The following PABPC4L variants were observed in gnomAD, a reference collection of about 807,000 sequenced individuals.
The protein encoded by PABPC4L is poly(A) binding protein cytoplasmic 4 like.
For missense variants in PABPC4L, 452 were observed against 451.4 expected (o/e 1.00, Z -0.01); for synonymous variants, 169 against 164.1 (o/e 1.03, Z -0.23).
the PABPC4L span, among the ~76,000 whole-genome samples, chr4:134,081,385 G>A: frequency 6.6e-6 from 1 of 152,162 alleles, no homozygotes; most frequent in Non-Finnish European, 1.5e-5. Flanking sequence ...AGAGTGGTCA[G>A]TCCAAAGCAT....
the PABPC4L span, among the ~76,000 whole-genome samples, chr4:134,164,805 C>T: frequency 6.6e-6 from 1 of 151,700 alleles, no homozygotes; most frequent in Non-Finnish European, 1.5e-5. Flanking sequence ...GGAAAGAGCC[C>T]CAATAGCCAA....
At chr4:133,953,963 T>A in the PABPC4L span, among the ~76,000 whole-genome samples, 285 of 152,364 alleles carry the variant, frequency 1.9e-3, 1 homozygote, top group African/African-American at 6.6e-3. Flanking sequence ...CTAACCTCAG[T>A]ACTTGTTAAA....
the PABPC4L span, among the ~76,000 whole-genome samples, chr4:134,013,635 G>A: frequency 5.3e-5 from 8 of 152,084 alleles, no homozygotes; most frequent in East Asian, 1.6e-3. Context: ...TCATAAAATA[G>A]CCAAACGGTC....
the PABPC4L span, among the ~76,000 whole-genome samples, chr4:134,038,098 G>C: frequency 5.9e-5 from 9 of 152,012 alleles, no homozygotes; most frequent in Non-Finnish European, 8.8e-5. Flanking sequence ...TTTTGTCATG[G>C]GTCCTGTTTA....
chr4:134,160,360 C>A, the PABPC4L span, among the ~76,000 whole-genome samples: 51 of 152,024 alleles, frequency 3.4e-4, no homozygotes, highest in Non-Finnish European at 6.2e-4. Flanking sequence ...TCCAGGTAAC[C>A]CCAGGCTATG....
At chr4:134,164,304 G>A in the PABPC4L span, among the ~76,000 whole-genome samples, 1 of 146,586 alleles carries the variant, frequency 6.8e-6, no homozygotes. Flanking sequence ...AGAAGTCCTG[G>A]CTAGAGCAAT....
At chr4:134,167,552 A>C in the PABPC4L span, among the ~76,000 whole-genome samples, 5 of 152,064 alleles carry the variant, frequency 3.3e-5, no homozygotes, top group South Asian at 1.0e-3. Flanking sequence ...CAATTCACTT[A>C]TAAGGACACA....
chr4:133,955,254 C>T, the PABPC4L span, among the ~76,000 whole-genome samples: 2 of 151,594 alleles, frequency 1.3e-5, no homozygotes, highest in Non-Finnish European at 2.9e-5. Flanking sequence ...AAGAAATATT[C>T]AGGAGACTGG....
chr4:134,187,148 A>C, the PABPC4L span, among the ~76,000 whole-genome samples: 1 of 152,116 alleles, frequency 6.6e-6, no homozygotes, highest in Non-Finnish European at 1.5e-5. Flanking sequence ...TTCCTCAAGG[A>C]TCTAGAACTA....
the PABPC4L span, among the ~76,000 whole-genome samples, chr4:134,046,222 G>A: frequency 6.6e-6 from 1 of 152,088 alleles, no homozygotes; most frequent in Non-Finnish European, 1.5e-5. Context: ...CAGGGTGATA[G>A]TTGGGAGAAG....
downstream of PABPC4L, among the ~76,000 whole-genome samples, chr4:134,193,377 A>G (rs1729567181): frequency 6.6e-6 from 1 of 151,914 alleles, no homozygotes; most frequent in African/African-American, 2.4e-5. Flanking sequence ...ATGAGCTATT[A>G]CTTAAAATAA....
the PABPC4L span, among the ~76,000 whole-genome samples, chr4:134,057,476 G>A: frequency 6.6e-6 from 1 of 152,072 alleles, no homozygotes; most frequent in South Asian, 2.1e-4. Flanking sequence ...TTGGTGAGAG[G>A]GAGGATTGAT....
chr4:133,956,496 C>A, the PABPC4L span, among the ~76,000 whole-genome samples: 1 of 152,048 alleles, frequency 6.6e-6, no homozygotes, highest in Admixed American at 6.6e-5. Context: ...AAATATGGTA[C>A]CTTGGCATTT....
At chr4:134,078,189 C>T in the PABPC4L span, among the ~76,000 whole-genome samples, 1 of 152,122 alleles carries the variant, frequency 6.6e-6, no homozygotes, top group African/African-American at 2.4e-5. Context: ...ATACCAAGCA[C>T]AGAAATTATT....
chr4:133,979,956 T>C, the PABPC4L span, among the ~76,000 whole-genome samples: 1 of 152,170 alleles, frequency 6.6e-6, no homozygotes, highest in South Asian at 2.1e-4. Context: ...GTATTTCTAT[T>C]TTCTAGCTTT....
the PABPC4L span, among the ~76,000 whole-genome samples, chr4:134,065,184 A>C: frequency 1.4e-3 from 213 of 152,162 alleles, 1 homozygote; most frequent in African/African-American, 4.7e-3. Flanking sequence ...GCTTTCCACA[A>C]TGACTGAACT....
At chr4:134,185,479 A>G in the PABPC4L span, among the ~76,000 whole-genome samples, 1 of 152,178 alleles carries the variant, frequency 6.6e-6, no homozygotes, top group Non-Finnish European at 1.5e-5. Flanking sequence ...CTTCGACAAA[A>G]TTCAACAGCC....
At chr4:134,157,739 T>C in the PABPC4L span, among the ~76,000 whole-genome samples, 1 of 151,884 alleles carries the variant, frequency 6.6e-6, no homozygotes, top group Non-Finnish European at 1.5e-5. Flanking sequence ...AGTGCATCCT[T>C]CTATTTTTAT....
At chr4:134,094,739 A>G in the PABPC4L span, among the ~76,000 whole-genome samples, 5 of 151,678 alleles carry the variant, frequency 3.3e-5, no homozygotes, top group African/African-American at 9.7e-5. Context: ...TAAAGGTAGC[A>G]TTTTTCTTTT....
Sources: allele counts gnomAD v4.1 joint callset (sites outside exome capture counted in the v4.1 genomes callset), GRCh38; gene constraint gnomAD v4.1.1; transcripts MANE v1.5; gene names NCBI Gene and HGNC (gene_info 2026-07-23, HGNC 2026-07-21).